The following CACNA1D variants were observed in gnomAD, a reference collection of about 807,000 sequenced individuals.
CACNA1D encodes the protein voltage-dependent L-type calcium channel subunit alpha-1D.
In CACNA1D, 55 loss-of-function variants were observed where a neutral mutation model predicts 257.1. That is an observed-to-expected ratio of 0.21 (90% CI 0.17 to 0.27). The LOEUF is 0.27. Among genes scored for constraint, CACNA1D ranks in the 10% least tolerant of loss-of-function variants. The pLI is 1.00. For missense variants in CACNA1D, 1,876 were observed against 2,784.0 expected, an observed-to-expected ratio of 0.67 and a Z score of 7.34; for synonymous variants, 980 against 1,014.9, an observed-to-expected ratio of 0.97 and a Z score of 0.65.
At chr3:53,549,674 A>G (rs1242296516) in intron 3 of CACNA1D, among the ~76,000 whole-genome samples, 1 of 152,244 alleles carries the variant, frequency 6.6e-6, no homozygotes, top group Non-Finnish European at 1.5e-5. Context: ...AGTTTCTTTA[A>G]AAGTTGACTC....
Position 53,802,136 on chromosome 3 carries a change from T to C in CACNA1D, c.5409-11T>C, listed in dbSNP as rs1275400734. The C allele has an allele frequency of 6.2e-7, 1 of 1,604,704 alleles. No individual in the cohort carries two copies. The highest frequency in any genetic ancestry group is 1.3e-5 in the African/African-American group (1 of 74,736). ...TCTCCCTCCTTCCCATGTTATGCCT[T>C]TCCTGGATAGAACCCGCTATTATGA... On this transcript the variant is annotated splice_polypyrimidine_tract_variant and intron_variant, in intron 42 of 47. Transcript: ENST00000350061.
intron 39 of CACNA1D, among the ~76,000 whole-genome samples, chr3:53,784,789 C>T (rs912965172): frequency 6.6e-6 from 1 of 152,104 alleles, no homozygotes; most frequent in Non-Finnish European, 1.5e-5. Flanking sequence ...TTGTGTGCAG[C>T]CTGGGAAAGG....
intron 33 of CACNA1D, chr3:53,773,331 A>C: frequency 3.8e-6 from 1 of 260,026 alleles, no homozygotes; most frequent in African/African-American, 2.2e-5. Context: ...TCACCTTTAA[A>C]AAGAGGCATG....
intron 3 of CACNA1D, among the ~76,000 whole-genome samples, chr3:53,644,368 A>G (rs2093996793): frequency 1.3e-5 from 2 of 152,240 alleles, no homozygotes; most frequent in African/African-American, 2.4e-5. Context: ...TATGCAATAC[A>G]TTGTTGTAAC....
intron 3 of CACNA1D, among the ~76,000 whole-genome samples, chr3:53,595,388 G>GT (rs2093357279): frequency 1.3e-5 from 2 of 152,306 alleles, no homozygotes; most frequent in East Asian, 3.9e-4. Flanking sequence ...AAACCAAGGA[G>GT]TAGAGGAAAA....
At chr3:53,623,048 C>T (rs567975199) in intron 3 of CACNA1D, among the ~76,000 whole-genome samples, 158 of 152,264 alleles carry the variant, frequency 1.0e-3, no homozygotes, top group African/African-American at 3.5e-3. Context: ...CTCGCCAACA[C>T]GTTTGGCTAA....
chr3:53,762,725 C>T (rs1007298259), intron 30 of CACNA1D: 1 of 410,444 alleles, frequency 2.4e-6, no homozygotes, highest in Admixed American at 2.9e-5. Context: ...AATCTCCACA[C>T]ACTTTAGAAA....
At chr3:53,656,735 C>T (rs1015459190) in intron 4 of CACNA1D, among the ~76,000 whole-genome samples, 1 of 152,002 alleles carries the variant, frequency 6.6e-6, no homozygotes, top group Non-Finnish European at 1.5e-5. Context: ...ACCCAATAAA[C>T]AAATAGGTAA....
At chr3:53,713,717 A>G (rs577743991) in intron 9 of CACNA1D, among the ~76,000 whole-genome samples, 2 of 152,218 alleles carry the variant, frequency 1.3e-5, no homozygotes, top group Non-Finnish European at 2.9e-5. Context: ...CCATGATAAC[A>G]TCTGGCCCAG....
intron 5 of CACNA1D, 137 bp from the exon 6 acceptor site, chr3:53,665,523 A>G (rs2094252876): frequency 8.4e-6 from 6 of 714,870 alleles, no homozygotes; most frequent in Middle Eastern, 4.9e-4. Flanking sequence ...GCTTAATATT[A>G]ATGAAAAGCT....
chr3:53,796,505 C>G, intron 40 of CACNA1D: 1 of 405,334 alleles, frequency 2.5e-6, no homozygotes, highest in South Asian at 1.7e-5. Flanking sequence ...GGGACACAGG[C>G]AGCAAAAGCA....
chr3:53,761,395 T>C (rs146503112), intron 29 of CACNA1D, among the ~76,000 whole-genome samples: 67 of 152,324 alleles, frequency 4.4e-4, no homozygotes, highest in South Asian at 3.3e-3. Context: ...TCACGGTGCC[T>C]GTGTCCCCGT....
intron 19 of CACNA1D, 27 bp downstream of exon 19, chr3:53,732,989 C>CGGCT (rs1414747467): frequency 6.2e-7 from 1 of 1,613,036 alleles, no homozygotes; most frequent in Non-Finnish European, 8.5e-7. Flanking sequence ...TAGTCTCTCA[C>CGGCT]GGCTGCCTCT....
intron 25 of CACNA1D, among the ~76,000 whole-genome samples, chr3:53,746,940 T>A (rs767579787): frequency 6.6e-6 from 1 of 152,206 alleles, no homozygotes; most frequent in Non-Finnish European, 1.5e-5. Flanking sequence ...TCCTAGAGCC[T>A]ACAGAGTTCT....
intron 6 of CACNA1D, 97 bp from the exon 7 acceptor site, chr3:53,666,242 G>T (rs892333727): frequency 7.2e-6 from 8 of 1,105,696 alleles, no homozygotes; most frequent in Non-Finnish European, 9.7e-6. Flanking sequence ...GGGGCGGTAG[G>T]GTGTCCCGGG....
At chr3:53,552,020 T>G (rs545344888) in intron 3 of CACNA1D, among the ~76,000 whole-genome samples, 2 of 152,330 alleles carry the variant, frequency 1.3e-5, no homozygotes, top group East Asian at 3.9e-4. Flanking sequence ...AAGTACTCTA[T>G]GGCTATCCCA....
chr3:53,738,341 G>C (rs1341480946), intron 20 of CACNA1D, among the ~76,000 whole-genome samples: 1 of 152,214 alleles, frequency 6.6e-6, no homozygotes, highest in African/African-American at 2.4e-5. Context: ...TCCCCATGGT[G>C]CGTGTTAGTG....
At chr3:53,785,234 AG>A (rs1356363727) in intron 39 of CACNA1D, among the ~76,000 whole-genome samples, 1 of 152,208 alleles carries the variant, frequency 6.6e-6, no homozygotes, top group Non-Finnish European at 1.5e-5. Context: ...TTGCATCATT[AG>A]ACAAGCCGAG....
chr3:53,741,500 A>G (rs1008706815), intron 21 of CACNA1D, among the ~76,000 whole-genome samples: 7 of 152,142 alleles, frequency 4.6e-5, no homozygotes, highest in African/African-American at 1.7e-4. Flanking sequence ...GGTTCATGAA[A>G]CAGCATAAAG....
Sources: allele counts gnomAD v4.1 joint callset (sites outside exome capture counted in the v4.1 genomes callset), GRCh38; gene constraint gnomAD v4.1.1; transcripts MANE v1.5; gene names NCBI Gene and HGNC (gene_info 2026-07-23, HGNC 2026-07-21).